SATB1: variants seen among roughly 807,000 people sequenced by gnomAD.
The protein encoded by SATB1 is SATB homeobox 1, also known as DNA-binding protein SATB1.
In SATB1, 11 loss-of-function variants were observed where a neutral mutation model predicts 86.9. The observed-to-expected ratio is 0.13, with a 90% confidence interval of 0.08 to 0.21. The LOEUF (loss-of-function observed/expected upper bound fraction) is 0.21. Ranked by LOEUF, SATB1 falls within the 10% of genes least tolerant of loss-of-function variation. The pLI is 1.00. For missense variants in SATB1, 551 were observed against 937.6 expected (o/e 0.59, Z 5.39); for synonymous variants, 357 against 357.2 (o/e 1.00, Z 0.01).
At chr3:18,388,712 G>C (rs980584460) in intron 7 of SATB1, among the ~76,000 whole-genome samples, 3 of 152,080 alleles carry the variant, frequency 2.0e-5, no homozygotes, top group Non-Finnish European at 4.4e-5. Flanking sequence ...ACAGTGAAAA[G>C]TTCTGTGGCA....
At chr3:18,383,563 G>T (rs992673061) in intron 8 of SATB1, among the ~76,000 whole-genome samples, 10 of 152,070 alleles carry the variant, frequency 6.6e-5, no homozygotes, top group Admixed American at 2.0e-4. Context: ...TCCTCATTTT[G>T]GGGGAAATGA....
chr3:18,440,064 T>C (rs1303682649), upstream of SATB1, among the ~76,000 whole-genome samples: 1 of 152,206 alleles, frequency 6.6e-6, no homozygotes, highest in Non-Finnish European at 1.5e-5. Context: ...ACATTCCATC[T>C]AAGACTTGGA....
At position 18,394,899 on chromosome 3, in the gene SATB1, A is replaced by G; in HGVS notation, c.769T>C (p.Ser257Pro). The change falls in exon 7 of 11, where the codon TCT becomes CCT. Residue 257 changes from serine to proline, a missense_variant. Physicochemically the swap from Ser to Pro is moderately conservative, Grantham distance 74. Coordinates refer to ENST00000338745, the MANE Select transcript of SATB1 (RefSeq NM_002971.6). The surrounding 1 kb of genome is among the most constrained non-coding windows in gnomAD (Gnocchi z 5.9). Reference sequence around the variant, plus strand: ...TTGGCGCCTTGCTGGGATAGCTCAGAAAGACTATCCATTTCAACTAAAGTG... The same window carrying G: ...TTGGCGCCTTGCTGGGATAGCTCAGGAAGACTATCCATTTCAACTAAAGTG... The part of the protein sequence containing the change: ...KDMMVEMDSL[S>P]ELSQQGANHV... 6.3e-7 allele frequency: 1 copy of G among 1,599,034 alleles called. No individual in the cohort carries two copies. Among genetic ancestry groups the G allele is most frequent in the Non-Finnish European group, 8.5e-7 (1 of 1,172,544 alleles).
At chr3:18,445,273 G>GC in intron 1 of SATB1, 7 of 984,114 alleles carry the variant, frequency 7.1e-6, no homozygotes, top group Non-Finnish European at 7.2e-6. Flanking sequence ...TGAAGCCCGA[G>GC]CCGAGCCGAG....
At chr3:18,380,838 C>T (rs1224936783) in intron 8 of SATB1, among the ~76,000 whole-genome samples, 3 of 152,152 alleles carry the variant, frequency 2.0e-5, no homozygotes, top group South Asian at 2.1e-4. Flanking sequence ...ATCTTTTATA[C>T]CTCACTCTAC....
Position 18,349,587 on chromosome 3 carries a change from G to A in SATB1, c.1875C>T (p.Pro625=), listed in dbSNP as rs774743723. 2 of 1,613,556 alleles carry A rather than the reference G, an allele frequency of 1.2e-6. No individual in the cohort carries two copies. The highest frequency in any genetic ancestry group is 1.3e-5 in the African/African-American group (1 of 74,894). The change falls in exon 11 of 11, where the codon CCC becomes CCT. Residue 625 remains proline (P), a synonymous_variant. Transcript: ENST00000338745. This position sits in a 1 kb window ranked among gnomAD's most constrained non-coding sequence, Gnocchi z 5.5. ...GAGAGGCCACCGTGGGTTGCCGTGG[G>A]GGGAGCCGAGGGCCTGTCTGTGGCT... The part of the protein sequence containing the change: ...QQQPQTGPRL[P]PRQPTVASPA...
intron 1 of SATB1, chr3:18,445,283 G>T (rs1699362132): frequency 7.1e-6 from 7 of 984,336 alleles, no homozygotes; most frequent in Non-Finnish European, 6.0e-6. Context: ...GCCGAGCCGA[G>T]CCCGAGCCGC....
Position 18,347,707 on chromosome 3 carries a change from A to C in SATB1, c.*1463T>G, listed in dbSNP as rs528283991. ...TGTCGGAGAGTCTTTTGACCATCCT[A>C]TCTCTACTTATTAAGCAAAATGTTA... On this transcript the variant is annotated 3_prime_UTR_variant, in exon 11 of 11. Coordinates refer to ENST00000338745, the MANE Select transcript of SATB1 (RefSeq NM_002971.6). The C allele has an allele frequency of 2.0e-5, 3 of 152,330 alleles. No homozygotes were observed. Among genetic ancestry groups the C allele is most frequent in the Admixed American group, 6.5e-5 (1 of 15,298 alleles). The allele number at this position is 152,330 out of a possible 1,614,324, so 9.4% of individuals were successfully genotyped here.
chr3:18,434,366 C>G (rs190334770), intron 2 of SATB1, among the ~76,000 whole-genome samples: 1 of 151,798 alleles, frequency 6.6e-6, no homozygotes, highest in Non-Finnish European at 1.5e-5. Context: ...GTTTGGCCAA[C>G]ATCCAAGTAA....
Position 18,352,382 on chromosome 3 carries a change from T to C in SATB1, c.1576-187A>G, listed in dbSNP as rs1694410075. 1.8e-6 allele frequency: 1 copy of C among 568,646 alleles called. No individual in the cohort carries two copies. The highest frequency in any genetic ancestry group is 3.1e-6 in the Non-Finnish European group (1 of 320,396). 35.2% of individuals were successfully genotyped at this position (568,646 alleles called of 1,614,324 possible). ...CTGTGGCTGTCAAGGAGGCAGACTC[T>C]GTTTCTAATCAAAGTTCAGATTTGC... On this transcript the variant is annotated intron_variant, in intron 9 of 10. Coordinates refer to ENST00000338745, the MANE Select transcript of SATB1 (RefSeq NM_002971.6). The surrounding 1 kb of genome is among the most constrained non-coding windows in gnomAD (Gnocchi z 4.1).
rs201488712 is a variant in SATB1 at position 18,424,325 on chromosome 3, C to CG, written c.-724_-723insC. On this transcript the variant is annotated 5_prime_UTR_variant, in exon 1 of 11. Coordinates refer to ENST00000338745, the MANE Select transcript of SATB1 (RefSeq NM_002971.6). ...TCGCCTCCCTTCCAATCACCCCCACCCCCCTCGCCAACAATCGCGACTAAT... is the reference window on the plus strand; with the variant it reads ...TCGCCTCCCTTCCAATCACCCCCACCGCCCCTCGCCAACAATCGCGACTAAT... 1 of 151,500 alleles carries CG rather than the reference C, an allele frequency of 6.6e-6. No individual in the cohort carries two copies. Among genetic ancestry groups the CG allele is most frequent in the Non-Finnish European group, 1.5e-5 (1 of 67,992 alleles). The allele number at this position is 151,500 out of a possible 1,614,324, so 9.4% of individuals were successfully genotyped here.
chr3:18,353,564 A>G (rs1488493282), intron 9 of SATB1, among the ~76,000 whole-genome samples: 1 of 152,112 alleles, frequency 6.6e-6, no homozygotes, highest in Non-Finnish European at 1.5e-5. Context: ...TGTAATTTTT[A>G]GATCTAGCCA....
At chr3:18,369,354 C>T (rs1695345233) in intron 9 of SATB1, among the ~76,000 whole-genome samples, 1 of 151,706 alleles carries the variant, frequency 6.6e-6, no homozygotes, top group South Asian at 2.1e-4. Context: ...AAATGAAAAG[C>T]CCAACACAGA....
chr3:18,355,771 C>T (rs1410326630), intron 9 of SATB1, among the ~76,000 whole-genome samples: 2 of 151,920 alleles, frequency 1.3e-5, no homozygotes, highest in Non-Finnish European at 2.9e-5. Flanking sequence ...AATGAGCTCA[C>T]AACTGTTTTG....
At chr3:18,419,309 C>T (rs2125167987) in intron 2 of SATB1, among the ~76,000 whole-genome samples, 1 of 152,234 alleles carries the variant, frequency 6.6e-6, no homozygotes, top group East Asian at 1.9e-4. Flanking sequence ...ACTACAGCAA[C>T]TTCATAACCT....
At chr3:18,418,667 A>G (rs969129369) in intron 2 of SATB1, among the ~76,000 whole-genome samples, 1 of 152,176 alleles carries the variant, frequency 6.6e-6, no homozygotes, top group Non-Finnish European at 1.5e-5. Context: ...AAAATCGCCT[A>G]AACAAATAAA....
Position 18,390,516 on chromosome 3 carries a change from T to C in SATB1, c.1207-3905A>G, listed in dbSNP as rs146455873. Among the ~76,000 whole-genome samples the C allele has an allele frequency of 5.1e-3, 775 of 152,286 alleles. 38 individuals carry two copies. The highest frequency in any genetic ancestry group is 0.046 in the Admixed American group (702 of 15,278). ...TGTCTTGTTGGGGTAATAGCACCTTTTTACCTTTTATTCAATAGTGATATG... is the reference window on the plus strand; with the variant it reads ...TGTCTTGTTGGGGTAATAGCACCTTCTTACCTTTTATTCAATAGTGATATG... On this transcript the variant is annotated intron_variant, in intron 7 of 10. Coordinates refer to ENST00000338745, the MANE Select transcript of SATB1 (RefSeq NM_002971.6).
chr3:18,395,059 C>T, intron 6 of SATB1, 143 bp from the exon 7 acceptor site: 1 of 643,660 alleles, frequency 1.6e-6, no homozygotes, highest in Non-Finnish European at 2.6e-6. Flanking sequence ...CAAGTTGCAA[C>T]TTACCAGGCT....
upstream of SATB1, among the ~76,000 whole-genome samples, chr3:18,427,896 A>C (rs960114177): frequency 2.0e-5 from 3 of 152,232 alleles, no homozygotes; most frequent in Non-Finnish European, 4.4e-5. Context: ...GAAATGACAT[A>C]AGTAAAATGG....
Sources: allele counts gnomAD v4.1 joint callset (sites outside exome capture counted in the v4.1 genomes callset), GRCh38; gene constraint gnomAD v4.1.1; non-coding constraint Gnocchi (gnomAD v3.1); transcripts MANE v1.5; gene names NCBI Gene and HGNC (gene_info 2026-07-23, HGNC 2026-07-21).